Variants in ACADSB observed in about 807,000 individuals in gnomAD.
The protein encoded by ACADSB is acyl-CoA dehydrogenase short/branched chain.
A neutral mutation model predicts 54.1 loss-of-function variants in ACADSB; 40 were observed. That is an observed-to-expected ratio of 0.74 (90% CI 0.57 to 0.96). The LOEUF is 0.96. Among genes scored for constraint, ACADSB ranks in the 40% least tolerant of loss-of-function variants. The pLI is 0.00. For synonymous variants in ACADSB, 182 were observed against 182.8 expected, an observed-to-expected ratio of 1.00 and a Z score of 0.03; for missense variants, 530 against 510.4, an observed-to-expected ratio of 1.04 and a Z score of -0.37.
Position 123,056,095 on chromosome 10 carries a change from C to CCT in ACADSB, c.*2333_*2334dup. 1 of 157,392 alleles carries CCT rather than the reference C, an allele frequency of 6.4e-6. No homozygotes were observed. The highest frequency in any genetic ancestry group is 2.0e-4 in the South Asian group (1 of 5,104). 9.7% of individuals were successfully genotyped at this position (157,392 alleles called of 1,614,324 possible). ...TTCTGAGCCCTTCAAACTGTTCCAACCTCTGCCTGTTACCCAGTTCCAAAC... is the reference window on the plus strand; with the variant it reads ...TTCTGAGCCCTTCAAACTGTTCCAACCTCTCTGCCTGTTACCCAGTTCCAAAC... On this transcript the variant is annotated 3_prime_UTR_variant, in exon 11 of 11. Transcript: ENST00000358776.
At chr10:123,036,767 C>G (rs1344712077) in intron 2 of ACADSB, among the ~76,000 whole-genome samples, 1 of 152,142 alleles carries the variant, frequency 6.6e-6, no homozygotes, top group Admixed American at 6.5e-5. Context: ...TCAGGAAAGG[C>G]TTCCCAGAGA....
At chr10:123,010,664 A>G (rs1444831124) in intron 1 of ACADSB, among the ~76,000 whole-genome samples, 1 of 152,148 alleles carries the variant, frequency 6.6e-6, no homozygotes, top group Non-Finnish European at 1.5e-5. Flanking sequence ...TGAAAATTAA[A>G]TGAGCTCATA....
intron 7 of ACADSB, among the ~76,000 whole-genome samples, chr10:123,045,154 TATATATATATA>T (rs1161838069): frequency 9.4e-3 from 120 of 12,720 alleles, no homozygotes; most frequent in Middle Eastern, 0.02. Context: ...TATATATATA[TATATATATATA>T]TATATATTTT....
At chr10:123,025,840 C>T (rs1010352828) in intron 1 of ACADSB, among the ~76,000 whole-genome samples, 3 of 152,154 alleles carry the variant, frequency 2.0e-5, no homozygotes, top group African/African-American at 7.2e-5. Flanking sequence ...GCGGGCAGAT[C>T]ACCTGAGGTC....
chr10:123,041,679 G>T (rs1850475595), intron 5 of ACADSB, among the ~76,000 whole-genome samples: 1 of 152,162 alleles, frequency 6.6e-6, no homozygotes, highest in East Asian at 1.9e-4. Flanking sequence ...ACTTGAATTT[G>T]CTTTGTGCCA....
At chr10:123,036,339 G>A (rs1480961465) in intron 2 of ACADSB, among the ~76,000 whole-genome samples, 5 of 152,134 alleles carry the variant, frequency 3.3e-5, no homozygotes, top group Admixed American at 6.5e-5. Flanking sequence ...CACCAACCTC[G>A]GCCTCTCAAA....
chr10:123,045,382 A>G (rs1053432939), intron 7 of ACADSB, among the ~76,000 whole-genome samples: 2 of 150,876 alleles, frequency 1.3e-5, no homozygotes, highest in African/African-American at 4.9e-5. Context: ...AGGTTTCACC[A>G]TGTTAGCCAG....
chr10:123,021,413 A>G (rs1230224651), intron 1 of ACADSB, among the ~76,000 whole-genome samples: 1 of 152,228 alleles, frequency 6.6e-6, no homozygotes, highest in Non-Finnish European at 1.5e-5. Context: ...GTTCACACAG[A>G]GAATTTCTTT....
rs746157129 is a variant in ACADSB, at chr10:123,041,182, T to C, written c.511-27T>C. 17 of 1,611,708 alleles carry C rather than the reference T, an allele frequency of 1.1e-5. No homozygotes were observed. The African/African-American group carries it at 2.1e-4, about 20-fold the overall frequency. On this transcript the variant is annotated intron_variant, in intron 4 of 10. Coordinates refer to ENST00000358776, the MANE Select transcript of ACADSB (RefSeq NM_001609.4). ...ACAGAGTATAAATACAGTTATTAAT[T>C]TGGACATTTTTTTCTCCCATATGTA...
chr10:123,027,118 A>C (rs995388794), intron 1 of ACADSB, among the ~76,000 whole-genome samples: 8 of 152,168 alleles, frequency 5.3e-5, no homozygotes, highest in Non-Finnish European at 8.8e-5. Flanking sequence ...GGTTTTTGAA[A>C]ATCATAAGAT....
intron 1 of ACADSB, among the ~76,000 whole-genome samples, chr10:123,026,696 T>G (rs1850256926): frequency 6.7e-6 from 1 of 149,252 alleles, no homozygotes; most frequent in Non-Finnish European, 1.5e-5. Flanking sequence ...AGTCTTAATA[T>G]GCAAATATCT....
chr10:123,043,222 A>C, intron 6 of ACADSB, 51 bp downstream of exon 6: 2 of 1,607,664 alleles, frequency 1.2e-6, no homozygotes, highest in Non-Finnish European at 1.7e-6. Flanking sequence ...TAAGCCTTGC[A>C]TGGAACCACA....
rs541267516 is a variant in ACADSB, at chr10:123,056,293, C to T, written c.*2528C>T. Reference sequence around the variant, plus strand: ...GGCCGGGGAGGCCTCAGAATCATGGCGGGAGGTGAAAAGCACTTCGTACAT... The same window carrying T: ...GGCCGGGGAGGCCTCAGAATCATGGTGGGAGGTGAAAAGCACTTCGTACAT... On this transcript the variant is annotated 3_prime_UTR_variant, in exon 11 of 11. Coordinates refer to ENST00000358776, the MANE Select transcript of ACADSB (RefSeq NM_001609.4). 1.6e-4 allele frequency: 37 copies of T among 228,436 alleles called. No individual in the cohort carries two copies. Among genetic ancestry groups the T allele is most frequent in the South Asian group, 9.8e-4 (16 of 16,374 alleles). The allele number at this position is 228,436 out of a possible 1,614,324, so 14.2% of individuals were successfully genotyped here.
chr10:123,012,241 T>G, intron 1 of ACADSB, among the ~76,000 whole-genome samples: 1 of 152,232 alleles, frequency 6.6e-6, no homozygotes. Context: ...AAAATACATA[T>G]AATTCTTGTT....
chr10:123,045,146 TATATA>T (rs1850536615), intron 7 of ACADSB, among the ~76,000 whole-genome samples: 1 of 14,452 alleles, frequency 6.9e-5, no homozygotes, highest in Non-Finnish European at 1.4e-4. Flanking sequence ...TATATATATA[TATATA>T]TATATATATA....
chr10:123,021,303 G>A (rs939620929), intron 1 of ACADSB, among the ~76,000 whole-genome samples: 2 of 152,058 alleles, frequency 1.3e-5, no homozygotes, highest in African/African-American at 4.8e-5. Context: ...ACAAATTTTT[G>A]TTAAAGAGTA....
At chr10:123,041,832 GC>G (rs1378094741) in intron 5 of ACADSB, among the ~76,000 whole-genome samples, 2 of 152,122 alleles carry the variant, frequency 1.3e-5, no homozygotes, top group African/African-American at 4.8e-5. Context: ...AGGTACTTGA[GC>G]ACTGTCAGAT....
chr10:123,043,873 A>G (rs966053573), intron 6 of ACADSB, among the ~76,000 whole-genome samples: 1 of 152,116 alleles, frequency 6.6e-6, no homozygotes, highest in African/African-American at 2.4e-5. Context: ...TTATTTTTTT[A>G]AAGTATGAAT....
chr10:123,020,886 C>T (rs946973135), intron 1 of ACADSB, among the ~76,000 whole-genome samples: 2 of 152,182 alleles, frequency 1.3e-5, no homozygotes, highest in African/African-American at 2.4e-5. Flanking sequence ...GGCTGTAATC[C>T]TAGCTACTCA....
Sources: gnomAD v4.1 joint callset for allele counts (sites outside exome capture counted in the v4.1 genomes callset) on GRCh38, gnomAD v4.1.1 for gene constraint, MANE v1.5 for transcripts, NCBI Gene and HGNC (gene_info 2026-07-23, HGNC 2026-07-21) for gene names.